MIPEP: variants seen among roughly 807,000 people sequenced by gnomAD.
MIPEP encodes the protein mitochondrial intermediate peptidase.
In MIPEP, 79 loss-of-function variants were observed where a neutral mutation model predicts 90.3. The observed-to-expected ratio is 0.87, with a 90% CI of 0.73 to 1.05. The LOEUF is 1.05. Among genes scored for constraint, MIPEP ranks in the 50% least tolerant of loss-of-function variants. The probability of loss-of-function intolerance (pLI) is 0.00; values close to 1 mark genes in which losing one functional copy is unlikely to be tolerated. For synonymous variants in MIPEP, 334 were observed against 315.8 expected (o/e 1.06, Z -0.61); for missense variants, 940 against 905.6 (o/e 1.04, Z -0.49).
Position 23,776,567 on chromosome 13 carries a change from G to T in MIPEP, c.1849-16350C>A, listed in dbSNP as rs531838256. On this transcript the variant is annotated intron_variant, in intron 16 of 18. Transcript: ENST00000382172. ...CATGTATATATCATCCATCCTGAAA[G>T]ATGTCATTCAAATGAATTAACACAC... is the stretch of plus-strand genomic sequence containing the variant. Among the ~76,000 whole-genome samples, 5 of 152,304 alleles carry T rather than the reference G, an allele frequency of 3.3e-5. No homozygotes were observed. The South Asian group carries it at 1.0e-3, about 32-fold the overall frequency.
chr13:23,812,433 G>T (rs1443813399), intron 14 of MIPEP, among the ~76,000 whole-genome samples: 1 of 152,056 alleles, frequency 6.6e-6, no homozygotes, highest in Non-Finnish European at 1.5e-5. Flanking sequence ...GTCCCCATTG[G>T]AGAAGCCGGG....
chr13:23,800,193 C>G (rs941211046), intron 16 of MIPEP, among the ~76,000 whole-genome samples: 1 of 152,166 alleles, frequency 6.6e-6, no homozygotes, highest in Admixed American at 6.5e-5. Flanking sequence ...GAAAAATACA[C>G]ATTAGAACAG....
At chr13:23,865,683 T>C (rs974710608) in intron 7 of MIPEP, among the ~76,000 whole-genome samples, 10 of 152,040 alleles carry the variant, frequency 6.6e-5, no homozygotes, top group Non-Finnish European at 1.3e-4. Flanking sequence ...TTTTTTTTTT[T>C]TTTTGAGATG....
chr13:23,811,595 C>T (rs539018252), intron 14 of MIPEP, among the ~76,000 whole-genome samples: 1 of 152,312 alleles, frequency 6.6e-6, no homozygotes, highest in East Asian at 1.9e-4. Flanking sequence ...CTATAAGTTG[C>T]TCACTACCAG....
chr13:23,753,158 G>A (rs1173464467), intron 18 of MIPEP, among the ~76,000 whole-genome samples: 3 of 149,804 alleles, frequency 2.0e-5, no homozygotes, highest in Non-Finnish European at 4.4e-5. Flanking sequence ...AACCCAGGAG[G>A]TGGAGGTTGC....
In MIPEP at chr13:23,818,620, T is replaced by C. The variant is rs1292800459; in HGVS notation, c.1654-8696A>G. 3.3e-5 allele frequency among the ~76,000 whole-genome samples: 5 copies of C among 152,020 alleles called. No individual in the cohort carries two copies. The East Asian group carries it at 9.6e-4, about 29-fold the overall frequency. ...TGACCTACAGAAAACAGATGTGAGG[T>C]ACAGAAATAGCTGGGTTGGTTACAG... On this transcript the variant is annotated intron_variant, in intron 14 of 18. Transcript: ENST00000382172.
chr13:23,778,886 A>G (rs1209654190), intron 16 of MIPEP, among the ~76,000 whole-genome samples: 3 of 152,162 alleles, frequency 2.0e-5, no homozygotes, highest in Admixed American at 1.3e-4. Flanking sequence ...ACCACACTCT[A>G]CAGTATGCCT....
intron 14 of MIPEP, among the ~76,000 whole-genome samples, chr13:23,813,408 C>T (rs1466945278): frequency 6.6e-6 from 1 of 152,092 alleles, no homozygotes; most frequent in African/African-American, 2.4e-5. Flanking sequence ...TTGCATATAA[C>T]CTATGCACAT....
At chr13:23,809,994 G>C in intron 14 of MIPEP, 70 bp from the exon 15 acceptor site, 1 of 817,946 alleles carries the variant, frequency 1.2e-6, no homozygotes, top group East Asian at 2.7e-5. Context: ...TATAAGCCAG[G>C]AAATTTAAAA....
chr13:23,871,811 G>A (rs1424419116), intron 5 of MIPEP, among the ~76,000 whole-genome samples: 1 of 151,948 alleles, frequency 6.6e-6, no homozygotes, highest in Non-Finnish European at 1.5e-5. Flanking sequence ...GTTTGATATG[G>A]CCATTTATCA....
chr13:23,735,470 A>G (rs1269565336), intron 18 of MIPEP, among the ~76,000 whole-genome samples: 1 of 152,204 alleles, frequency 6.6e-6, no homozygotes, highest in East Asian at 1.9e-4. Flanking sequence ...GAGCCAAGCT[A>G]TTCAGGTAAG....
At chr13:23,784,667 A>G in intron 16 of MIPEP, among the ~76,000 whole-genome samples, 1 of 152,240 alleles carries the variant, frequency 6.6e-6, no homozygotes, top group African/African-American at 2.4e-5. Flanking sequence ...GAGCTTCTGC[A>G]CAGCAAAAGA....
rs564944055 is a variant in MIPEP at position 23,762,726 on chromosome 13, G to A, written c.1849-2509C>T. Among the ~76,000 whole-genome samples the A allele has an allele frequency of 5.0e-4, 76 of 152,320 alleles. 1 individual carries two copies. Among genetic ancestry groups the A allele is most frequent in the African/African-American group, 1.7e-3 (71 of 41,576 alleles). ...TGTGCTGGGCAGGGGCACTTGCACGGCTATTGTTTTGGGTCTCTTGCACAG... is the reference window on the plus strand; with the variant it reads ...TGTGCTGGGCAGGGGCACTTGCACGACTATTGTTTTGGGTCTCTTGCACAG... On this transcript the variant is annotated intron_variant, in intron 16 of 18. Coordinates refer to ENST00000382172, the MANE Select transcript of MIPEP (RefSeq NM_005932.4).
intron 16 of MIPEP, among the ~76,000 whole-genome samples, chr13:23,804,516 AAC>A (rs1352030931): frequency 6.6e-6 from 1 of 152,242 alleles, no homozygotes; most frequent in African/African-American, 2.4e-5. Context: ...AATTTTCACT[AAC>A]ACAGATAATC....
At chr13:23,803,159 T>G (rs1372721173) in intron 16 of MIPEP, among the ~76,000 whole-genome samples, 1 of 151,970 alleles carries the variant, frequency 6.6e-6, no homozygotes, top group Non-Finnish European at 1.5e-5. Context: ...GGTTGGGAGT[T>G]CGAGACCAGC....
At chr13:23,837,422 A>C (rs1364980386) in intron 13 of MIPEP, 130 bp downstream of exon 13, 4 of 689,262 alleles carry the variant, frequency 5.8e-6, no homozygotes, top group East Asian at 2.6e-5. Flanking sequence ...AGGATGAGGC[A>C]ATCTGAGATA....
chr13:23,811,388 C>A lies in MIPEP; in HGVS notation c.1654-1464G>T, dbSNP rs543026549. Among the ~76,000 whole-genome samples the A allele has an allele frequency of 3.3e-5, 5 of 152,290 alleles. No individual in the cohort carries two copies. In the Middle Eastern group the frequency reaches 0.017, roughly 518 times the overall value. ...CAGGCTACATTGTCTTTAGCTTATT[C>A]TAGTGCAGAGGCCAAGATAACTATA... On this transcript the variant is annotated intron_variant, in intron 14 of 18. Transcript: ENST00000382172.
intron 16 of MIPEP, among the ~76,000 whole-genome samples, chr13:23,776,153 A>G (rs7320880): frequency 0.78 from 117,886 of 151,828 alleles, 46,162 homozygotes; most frequent in Admixed American, 0.83. Context: ...TGCTCATGTC[A>G]CTTCTCTGCT....
At chr13:23,742,033 G>A (rs888502724) in intron 18 of MIPEP, among the ~76,000 whole-genome samples, 4 of 152,248 alleles carry the variant, frequency 2.6e-5, no homozygotes, top group African/African-American at 9.6e-5. Context: ...CAGGACAATA[G>A]CCCCGTGGGG....
Sources: gnomAD v4.1 joint callset for allele counts (sites outside exome capture counted in the v4.1 genomes callset) on GRCh38, gnomAD v4.1.1 for gene constraint, MANE v1.5 for transcripts, NCBI Gene and HGNC (gene_info 2026-07-23, HGNC 2026-07-21) for gene names.